The following CHAT variants were observed in gnomAD, a reference collection of about 807,000 sequenced individuals.
The protein encoded by CHAT is choline O-acetyltransferase.
A neutral mutation model predicts 76.9 loss-of-function variants in CHAT; 61 were observed. The observed-to-expected ratio is 0.79, with a 90% CI of 0.65 to 0.98. The LOEUF is 0.98. Among genes scored for constraint, CHAT ranks in the 50% least tolerant of loss-of-function variants. The pLI, the probability that CHAT is intolerant of heterozygous loss-of-function variation, is 0.00. For missense variants in CHAT, 946 were observed against 986.9 expected (o/e 0.96, Z 0.56); for synonymous variants, 407 against 397.4 (o/e 1.02, Z -0.29).
intron 13 of CHAT, among the ~76,000 whole-genome samples, chr10:49,656,555 G>A (rs1428796268): frequency 6.6e-6 from 1 of 152,174 alleles, no homozygotes; most frequent in South Asian, 2.1e-4. Flanking sequence ...GAGCCACAAA[G>A]GATGAAGAGA....
chr10:49,632,959 G>A (rs1055342278), intron 7 of CHAT, among the ~76,000 whole-genome samples: 2 of 152,198 alleles, frequency 1.3e-5, no homozygotes, highest in Non-Finnish European at 2.9e-5. Context: ...TGACATCAAC[G>A]AAGGTGGCCT....
Position 49,623,632 on chromosome 10 carries a change from C to T in CHAT, c.752+1482C>T, listed in dbSNP as rs80226372. On this transcript the variant is annotated intron_variant, in intron 5 of 14. Coordinates refer to ENST00000337653, the MANE Select transcript of CHAT (RefSeq NM_020549.5). ...TCATCCAAGCCTCAGCCATCCCCACCGGGGTGTCTCTCAGTCATTACAAAT... is the reference window on the plus strand; with the variant it reads ...TCATCCAAGCCTCAGCCATCCCCACTGGGGTGTCTCTCAGTCATTACAAAT... 3.5e-3 allele frequency among the ~76,000 whole-genome samples: 528 copies of T among 152,262 alleles called. 5 individuals are homozygous for T. The highest frequency in any genetic ancestry group is 0.012 in the African/African-American group (478 of 41,538).
chr10:49,656,734 G>A (rs959902826), intron 13 of CHAT, among the ~76,000 whole-genome samples: 7 of 152,230 alleles, frequency 4.6e-5, no homozygotes, highest in Non-Finnish European at 7.3e-5. Context: ...GTGTGTTATG[G>A]TGACTGGGTG....
At chr10:49,631,313 A>T (rs1839111443) in intron 7 of CHAT, among the ~76,000 whole-genome samples, 1 of 152,160 alleles carries the variant, frequency 6.6e-6, no homozygotes, top group Non-Finnish European at 1.5e-5. Flanking sequence ...TGGCTTGTCG[A>T]TGCCACCTTC....
At chr10:49,634,590 A>G (rs1839235249) in intron 7 of CHAT, among the ~76,000 whole-genome samples, 1 of 152,210 alleles carries the variant, frequency 6.6e-6, no homozygotes, top group Admixed American at 6.5e-5. Context: ...CTGTGTGCAC[A>G]CACACTGGGC....
chr10:49,634,087 G>A (rs1474614353), intron 7 of CHAT, among the ~76,000 whole-genome samples: 2 of 152,224 alleles, frequency 1.3e-5, no homozygotes, highest in Non-Finnish European at 2.9e-5. Flanking sequence ...TCTCAAGACT[G>A]AATGTGATTT....
chr10:49,655,236 A>G lies in CHAT; in HGVS notation c.1776A>G (p.Pro592=), dbSNP rs1839998051. 6.2e-7 allele frequency: 1 copy of G among 1,613,888 alleles called. No individual in the cohort carries two copies. Among genetic ancestry groups the G allele is most frequent in the Admixed American group, 1.7e-5 (1 of 59,998 alleles). The change falls in exon 12 of 15, where the codon CCA becomes CCG. Residue 592 remains proline, a splice_region_variant and synonymous_variant. Coordinates refer to ENST00000337653, the MANE Select transcript of CHAT (RefSeq NM_020549.5). ...TGACTGACCACAAGGCTGCTGTGCC[A>G]GTAAGTCCCGCCCCACCCCACGGCC... ...RAVTDHKAAV[P]ASEKLLLLKD...
At chr10:49,629,074 A>G (rs1488668745) in intron 7 of CHAT, among the ~76,000 whole-genome samples, 1 of 152,202 alleles carries the variant, frequency 6.6e-6, no homozygotes, top group Non-Finnish European at 1.5e-5. Context: ...CCGTTCGCTT[A>G]CCTTGACTCT....
At chr10:49,618,575 C>T (rs1297639354) in intron 2 of CHAT, among the ~76,000 whole-genome samples, 2 of 152,168 alleles carry the variant, frequency 1.3e-5, no homozygotes, top group African/African-American at 2.4e-5. Flanking sequence ...ATTTTAGCTC[C>T]TAGTCTGCCA....
chr10:49,636,520 A>G (rs1480162710), intron 7 of CHAT, among the ~76,000 whole-genome samples: 1 of 152,138 alleles, frequency 6.6e-6, no homozygotes, highest in Non-Finnish European at 1.5e-5. Flanking sequence ...TGGTATCAGG[A>G]TACCTGTTTC....
Position 49,666,067 on chromosome 10 carries a change from C to T in CHAT, c.*1021C>T, listed in dbSNP as rs564816986. Among the ~76,000 whole-genome samples the T allele has an allele frequency of 6.6e-6, 1 of 152,294 alleles. No individual in the cohort carries two copies. The highest frequency in any genetic ancestry group is 2.4e-5 in the African/African-American group (1 of 41,564). On this transcript the variant is annotated 3_prime_UTR_variant, in exon 15 of 15. Coordinates refer to ENST00000337653, the MANE Select transcript of CHAT (RefSeq NM_020549.5). ...AATTCTTAGTGATTCAAGCAGGACC[C>T]TTAGGCAGCTGGGCTCCTTTATTTG...
At chr10:49,617,951 T>C (rs950283293) in intron 2 of CHAT, among the ~76,000 whole-genome samples, 2 of 152,152 alleles carry the variant, frequency 1.3e-5, no homozygotes, top group African/African-American at 2.4e-5. Flanking sequence ...AGGGCCGTCA[T>C]TCATCCATCA....
rs1840327048 is a variant in CHAT at position 49,665,690 on chromosome 10, C to G, written c.*644C>G. On this transcript the variant is annotated 3_prime_UTR_variant, in exon 15 of 15. Coordinates refer to ENST00000337653, the MANE Select transcript of CHAT (RefSeq NM_020549.5). Reference sequence around the variant, plus strand: ...TTCTGCTTTCGTGCCCAGGGGCAGCCTTCTGTTGAGCTCAGAAAATTGTGT... The same window carrying G: ...TTCTGCTTTCGTGCCCAGGGGCAGCGTTCTGTTGAGCTCAGAAAATTGTGT... Among the ~76,000 whole-genome samples the G allele has an allele frequency of 6.6e-6, 1 of 152,116 alleles. No individual in the cohort carries two copies. Among genetic ancestry groups the G allele is most frequent in the African/African-American group, 2.4e-5 (1 of 41,430 alleles).
chr10:49,645,249 T>C (rs558194557), intron 7 of CHAT, among the ~76,000 whole-genome samples: 215 of 152,262 alleles, frequency 1.4e-3, no homozygotes, highest in African/African-American at 4.8e-3. Flanking sequence ...GCAAATGCCA[T>C]GCACCCATCT....
chr10:49,664,703 G>A, intron 14 of CHAT, 74 bp from the exon 15 acceptor site: 2 of 1,589,030 alleles, frequency 1.3e-6, no homozygotes, highest in Non-Finnish European at 1.7e-6. Flanking sequence ...GTGGAAAACA[G>A]AGAAGCCAAG....
upstream of CHAT, chr10:49,613,191 A>T (rs1838347564): frequency 6.6e-6 from 1 of 152,120 alleles, no homozygotes; most frequent in African/African-American, 2.4e-5. Flanking sequence ...TTAGAGTCCG[A>T]CCTCTGGAAA....
intron 1 of CHAT, chr10:49,616,105 C>G: frequency 6.2e-7 from 1 of 1,608,946 alleles, no homozygotes; most frequent in Non-Finnish European, 8.5e-7. Flanking sequence ...ATGGTCTTAC[C>G]CTTGAGAAGC....
chr10:49,614,541 C>A, intron 1 of CHAT, 66 bp downstream of exon 1: 1 of 1,383,940 alleles, frequency 7.2e-7, no homozygotes, highest in Non-Finnish European at 9.9e-7. Flanking sequence ...CGGTCGGGGG[C>A]TCTATCCAGG....
intron 5 of CHAT, 140 bp downstream of exon 5, chr10:49,622,290 CT>C: frequency 1.1e-6 from 1 of 886,310 alleles, no homozygotes; most frequent in Non-Finnish European, 1.9e-6. Flanking sequence ...CCCCAACCCA[CT>C]CCCCCACCAT....
Sources: gnomAD v4.1 joint callset for allele counts (sites outside exome capture counted in the v4.1 genomes callset) on GRCh38, gnomAD v4.1.1 for gene constraint, MANE v1.5 for transcripts, NCBI Gene and HGNC (gene_info 2026-07-23, HGNC 2026-07-21) for gene names.